Variants in FOXP1 observed in about 807,000 individuals in gnomAD.
FOXP1 encodes forkhead box protein P1.
A neutral mutation model predicts 98.2 loss-of-function variants in FOXP1; 15 were observed. The ratio of observed to expected loss-of-function variants is 0.15; its 90% CI spans 0.10 to 0.24. FOXP1 has a LOEUF of 0.24. Ranked by LOEUF, FOXP1 falls within the 10% of genes least tolerant of loss-of-function variation. The pLI is 1.00. For synonymous variants in FOXP1, 371 were observed against 314.5 expected, an observed-to-expected ratio of 1.18 and a Z score of -1.90; for missense variants, 633 against 848.5, an observed-to-expected ratio of 0.75 and a Z score of 3.15.
chr3:71,199,805 C>T (rs1427971738), intron 5 of FOXP1, among the ~76,000 whole-genome samples: 3 of 151,470 alleles, frequency 2.0e-5, no homozygotes, highest in Non-Finnish European at 2.9e-5. Context: ...GGGCCAGGCG[C>T]GGTGGCTCAC....
At chr3:71,043,237 T>C (rs1223684148) in intron 10 of FOXP1, among the ~76,000 whole-genome samples, 1 of 152,154 alleles carries the variant, frequency 6.6e-6, no homozygotes, top group Non-Finnish European at 1.5e-5. Context: ...GACAAGTCGG[T>C]TTTCTTCTCC....
In FOXP1 at chr3:71,278,312, T is replaced by C. The variant is rs114778559; in HGVS notation, c.-12+21508A>G. Among the ~76,000 whole-genome samples, 1,016 of 152,286 alleles carry C rather than the reference T, an allele frequency of 6.7e-3. 14 individuals carry two copies. The highest frequency in any genetic ancestry group is 0.023 in the African/African-American group (961 of 41,550). ...ATAAATTAAAAAGGAGTAAGAGAGT[T>C]GTCTTCTCTGATGTTCTCCATCTTT... On this transcript the variant is annotated intron_variant, in intron 5 of 20. Transcript: ENST00000649528.
At chr3:71,467,547 T>C (rs560955288) in intron 3 of FOXP1, among the ~76,000 whole-genome samples, 231 of 152,324 alleles carry the variant, frequency 1.5e-3, no homozygotes, top group Middle Eastern at 0.014. Context: ...TCCTCAGCCA[T>C]GCCACGACAG....
In FOXP1 at chr3:71,374,606, T is replaced by A. The variant is rs199908099; in HGVS notation, c.-167-15362A>T. 2.6e-3 allele frequency among the ~76,000 whole-genome samples: 379 copies of A among 144,250 alleles called. 2 individuals are homozygous for A. Among genetic ancestry groups the A allele is most frequent in the Non-Finnish European group, 1.5e-3 (100 of 65,268 alleles). The allele number at this position is 144,250 out of a possible 152,430, so 94.6% of individuals were successfully genotyped here. The stretch of plus-strand genomic sequence containing the variant: ...AGAGACTCTGTCTCAAAAAAAAAAA[T>A]AAAAATAAAAATATCTGTCAGAAAA... On this transcript the variant is annotated intron_variant, in intron 3 of 20. Coordinates refer to ENST00000649528, the MANE Select transcript of FOXP1 (RefSeq NM_001349338.3).
intron 3 of FOXP1, among the ~76,000 whole-genome samples, chr3:71,361,258 C>T (rs879360804): frequency 1.3e-5 from 2 of 152,076 alleles, no homozygotes; most frequent in African/African-American, 2.4e-5. Flanking sequence ...ATCAGAGCAA[C>T]GAGATAATGA....
At chr3:71,444,763 A>G (rs764404452) in intron 3 of FOXP1, among the ~76,000 whole-genome samples, 2 of 152,128 alleles carry the variant, frequency 1.3e-5, no homozygotes, top group Non-Finnish European at 2.9e-5. Context: ...CTTCTTCCCT[A>G]CATCAGATAA....
chr3:71,051,831 C>T (rs2049935357), intron 9 of FOXP1, among the ~76,000 whole-genome samples: 1 of 152,110 alleles, frequency 6.6e-6, no homozygotes, highest in South Asian at 2.1e-4. Context: ...AAGGCCTTAT[C>T]ATTTATGGGA....
chr3:71,246,306 C>T (rs566846395), intron 5 of FOXP1, among the ~76,000 whole-genome samples: 158 of 152,214 alleles, frequency 1.0e-3, no homozygotes, highest in African/African-American at 3.7e-3. Flanking sequence ...TGCGAGAACC[C>T]GAGAAACCTT....
At chr3:71,187,001 C>G (rs1276718925) in intron 6 of FOXP1, among the ~76,000 whole-genome samples, 1 of 152,204 alleles carries the variant, frequency 6.6e-6, no homozygotes, top group African/African-American at 2.4e-5. Flanking sequence ...AGTAGGCAAG[C>G]GGGTGTGGCT....
chr3:70,959,535 CT>C, intron 20 of FOXP1, 144 bp from the exon 21 acceptor site: 1 of 849,180 alleles, frequency 1.2e-6, no homozygotes, highest in South Asian at 1.5e-5. Context: ...ACACGTGGCT[CT>C]TTAAATTGAA....
chr3:71,090,185 GCT>G (rs1388830835), intron 7 of FOXP1, among the ~76,000 whole-genome samples: 1 of 152,088 alleles, frequency 6.6e-6, no homozygotes. Flanking sequence ...CTTCAACCTT[GCT>G]CCCATCATAA....
intron 4 of FOXP1, among the ~76,000 whole-genome samples, chr3:71,307,718 A>G (rs879820117): frequency 2.6e-5 from 4 of 152,198 alleles, no homozygotes; most frequent in Non-Finnish European, 5.9e-5. Flanking sequence ...ATGTTTTGGC[A>G]GTTTTGAGGG....
At chr3:71,343,328 T>C (rs1224506503) in intron 4 of FOXP1, among the ~76,000 whole-genome samples, 1 of 152,192 alleles carries the variant, frequency 6.6e-6, no homozygotes, top group South Asian at 2.1e-4. Context: ...TTTTTTTTCT[T>C]TAACTTAGTG....
intron 3 of FOXP1, among the ~76,000 whole-genome samples, chr3:71,378,412 G>GA (rs1384494792): frequency 6.6e-6 from 1 of 152,074 alleles, no homozygotes; most frequent in African/African-American, 2.4e-5. Flanking sequence ...ATATTAAATG[G>GA]AAAATTCCAT....
In FOXP1 at chr3:71,583,639, G is replaced by GCCCGCGCGCGCAC. The variant is rs2048370327; in HGVS notation, c.-528_-516dup. The stretch of plus-strand genomic sequence containing the variant: ...CCTTTCCCCGCGCGCGCCCACTCCC[G>GCCCGCGCGCGCAC]CCCGCGCGCGCACCCCGCGCACACA... On this transcript the variant is annotated 5_prime_UTR_variant, in exon 1 of 21. Transcript: ENST00000649528. 4.1e-6 allele frequency: 4 copies of GCCCGCGCGCGCAC among 983,032 alleles called. No homozygotes were observed. The highest frequency in any genetic ancestry group is 2.4e-6 in the Non-Finnish European group (2 of 829,178). 60.9% of individuals were successfully genotyped at this position (983,032 alleles called of 1,614,324 possible).
At chr3:71,060,288 A>G (rs558851597) in intron 7 of FOXP1, among the ~76,000 whole-genome samples, 1 of 152,128 alleles carries the variant, frequency 6.6e-6, no homozygotes, top group African/African-American at 2.4e-5. Context: ...GTAGTTTCTC[A>G]TGCCTATTTC....
intron 3 of FOXP1, among the ~76,000 whole-genome samples, chr3:71,370,955 C>T (rs534131033): frequency 3.3e-5 from 5 of 152,114 alleles, no homozygotes; most frequent in Non-Finnish European, 5.9e-5. Context: ...GCACACGCCA[C>T]GACGCCCAGC....
At chr3:71,030,888 C>T (rs1269318285) in intron 11 of FOXP1, among the ~76,000 whole-genome samples, 3 of 152,134 alleles carry the variant, frequency 2.0e-5, no homozygotes, top group Non-Finnish European at 4.4e-5. Context: ...AAATCTGACT[C>T]ATATGGAAAA....
intron 3 of FOXP1, among the ~76,000 whole-genome samples, chr3:71,371,424 A>C (rs1030240618): frequency 1.3e-5 from 2 of 152,174 alleles, no homozygotes; most frequent in Admixed American, 1.3e-4. Flanking sequence ...TCCATTCCCC[A>C]GTCCACGTGG....
Sources: allele counts gnomAD v4.1 joint callset (sites outside exome capture counted in the v4.1 genomes callset), GRCh38; gene constraint gnomAD v4.1.1; transcripts MANE v1.5; gene names NCBI Gene and HGNC (gene_info 2026-07-23, HGNC 2026-07-21).